Variants in COL6A1 observed in about 807,000 individuals in gnomAD.
COL6A1 encodes collagen type VI alpha 1 chain.
A neutral mutation model predicts 145.6 loss-of-function variants in COL6A1; 80 were observed. The observed-to-expected ratio is 0.55, with a 90% CI of 0.46 to 0.66. The LOEUF (loss-of-function observed/expected upper bound fraction) is 0.66. Among genes scored for constraint, COL6A1 ranks in the 30% least tolerant of loss-of-function variants. The pLI, the probability that COL6A1 is intolerant of heterozygous loss-of-function variation, is 0.00. For synonymous variants in COL6A1, 638 were observed against 622.8 expected (o/e 1.02, Z -0.36); for missense variants, 1,364 against 1,473.8 (o/e 0.93, Z 1.22).
chr21:45,996,592 G>A (rs1385825032), intron 20 of COL6A1, among the ~76,000 whole-genome samples: 1 of 152,266 alleles, frequency 6.6e-6, no homozygotes, highest in Non-Finnish European at 1.5e-5. Flanking sequence ...GCAGGCACAG[G>A]CCAGGGACAG....
At position 45,998,940 on chromosome 21, in the gene COL6A1, C is replaced by A; in HGVS notation, c.1655C>A (p.Ala552Asp). The change falls in exon 25 of 35, where the codon GCC becomes GAC. Residue 552 changes from alanine to aspartate, a missense_variant. This residue lies in a region of COL6A1 where 938 missense variants were observed against 1,003.8 expected (regional missense o/e 0.93). Coordinates refer to ENST00000361866, the MANE Select transcript of COL6A1 (RefSeq NM_001848.3). Reference sequence around the variant, plus strand: ...GGCCTCAAGGGGGACGAGGGAGAAGCCGGGGACCCCGGAGACGATGTAAGT... The same window carrying A: ...GGCCTCAAGGGGGACGAGGGAGAAGACGGGGACCCCGGAGACGATGTAAGT... ...YPGLKGDEGE[A>D]GDPGDDNNDI... 1.9e-6 allele frequency: 3 copies of A among 1,554,982 alleles called. No homozygotes were observed. Among genetic ancestry groups the A allele is most frequent in the Non-Finnish European group, 1.7e-6 (2 of 1,148,724 alleles).
chr21:46,003,899 G>C lies in COL6A1; in HGVS notation c.2973G>C (p.Thr991=). The C allele has an allele frequency of 6.2e-7, 1 of 1,602,588 alleles. No individual in the cohort carries two copies. The highest frequency in any genetic ancestry group is 8.5e-7 in the Non-Finnish European group (1 of 1,172,102). ...PHIRVLVTGK[T]AEYDVAYGES... ...TCCGCGTCCTGGTCACCGGCAAGAC[G>C]GCCGAGTACGACGTGGCCTACGGCG... Residue 991 remains threonine, a synonymous_variant, in exon 35 of 35, where the codon ACG becomes ACC. Coordinates refer to ENST00000361866, the MANE Select transcript of COL6A1 (RefSeq NM_001848.3).
intron 29 of COL6A1, 154 bp downstream of exon 29, chr21:46,000,921 C>T: frequency 1.0e-6 from 1 of 990,184 alleles, no homozygotes; most frequent in Non-Finnish European, 1.6e-6. Flanking sequence ...TGCTCCAAGC[C>T]AGCAGGGTTC....
intron 34 of COL6A1, 112 bp downstream of exon 34, chr21:46,003,261 C>T: frequency 6.2e-7 from 1 of 1,603,150 alleles, no homozygotes; most frequent in Non-Finnish European, 8.5e-7. Flanking sequence ...AGAGTAGGTG[C>T]ATGGCTCACT....
At position 46,002,597 on chromosome 21, in the gene COL6A1, G is replaced by T; in HGVS notation, c.2321G>T (p.Cys774Phe). 1 of 1,614,120 alleles carries T rather than the reference G, an allele frequency of 6.2e-7. No homozygotes were observed. Among genetic ancestry groups the T allele is most frequent in the Non-Finnish European group, 8.5e-7 (1 of 1,180,002 alleles). Residue 774 changes from cysteine (C) to phenylalanine (F), a missense_variant, in exon 33 of 35, where the codon TGC (cysteine) becomes TTC (phenylalanine). This residue lies in a region of COL6A1 where 938 missense variants were observed against 1,003.8 expected (regional missense o/e 0.93). Coordinates refer to ENST00000361866, the MANE Select transcript of COL6A1 (RefSeq NM_001848.3). ...PGSDQLNVIS[C>F]QGLAPSQGRP... is the part of the protein sequence containing the mutation. ...TCAGACCAGCTCAATGTCATTTCTT[G>T]CCAAGGCCTGGCACCATCCCAGGGC...
intron 19 of COL6A1, among the ~76,000 whole-genome samples, chr21:45,993,416 CA>C (rs1007215781): frequency 5.9e-5 from 9 of 152,316 alleles, no homozygotes; most frequent in East Asian, 3.9e-4. Context: ...CCATCCGGCT[CA>C]GGGAGAGCCA....
At chr21:45,990,642 A>AG in intron 13 of COL6A1, 131 bp from the exon 14 acceptor site, 3 of 860,560 alleles carry the variant, frequency 3.5e-6, no homozygotes, top group Non-Finnish European at 5.8e-6. Flanking sequence ...AGGTGACCCC[A>AG]GGGGGGTGTC....
rs573342705 is a variant in COL6A1, at chr21:45,989,023, G to T, written c.805-61G>T. 5.0e-6 allele frequency: 8 copies of T among 1,588,088 alleles called. No homozygotes were observed. The Admixed American group carries it at 1.1e-4, about 21-fold the overall frequency. ...AAGCGTCTTTTTAAAAACCTGTTTCGTGAGCCAGCTTTTTAGAAAGAAACG... is the reference window on the plus strand; with the variant it reads ...AAGCGTCTTTTTAAAAACCTGTTTCTTGAGCCAGCTTTTTAGAAAGAAACG... On this transcript the variant is annotated intron_variant, in intron 8 of 34. Transcript: ENST00000361866.
intron 27 of COL6A1, among the ~76,000 whole-genome samples, chr21:45,999,894 A>AGAGGGGACATGTGAGGATCATG (rs2077829383): frequency 3.8e-4 from 5 of 13,282 alleles, no homozygotes; most frequent in East Asian, 2.1e-3. Flanking sequence ...TGAGGACCAT[A>AGAGGGGACATGTGAGGATCATG]GAGGGGACAT....
At chr21:45,993,285 C>G (rs1369670650) in intron 19 of COL6A1, among the ~76,000 whole-genome samples, 1 of 152,142 alleles carries the variant, frequency 6.6e-6, no homozygotes, top group Non-Finnish European at 1.5e-5. Flanking sequence ...CCTCGCTAGG[C>G]CACCCCACAG....
In COL6A1 at chr21:46,002,615, C is replaced by A. The variant is rs2077853664; in HGVS notation, c.2339C>A (p.Ser780Tyr). 3.1e-6 allele frequency: 5 copies of A among 1,614,098 alleles called. No individual in the cohort carries two copies. The highest frequency in any genetic ancestry group is 4.2e-6 in the Non-Finnish European group (5 of 1,180,014). Residue 780 changes from serine (S) to tyrosine (Y), a missense_variant, in exon 33 of 35, where the codon TCC (serine) becomes TAC (tyrosine). This residue lies in a region of COL6A1 where 938 missense variants were observed against 1,003.8 expected (regional missense o/e 0.93). Coordinates refer to ENST00000361866, the MANE Select transcript of COL6A1 (RefSeq NM_001848.3). ...ATTTCTTGCCAAGGCCTGGCACCAT[C>A]CCAGGGCCGGCCCGGCCTCTCGCTG... ...NVISCQGLAP[S>Y]QGRPGLSLVK... is the part of the protein sequence containing the mutation.
At chr21:45,987,540 C>T (rs1426554756) in intron 7 of COL6A1, 21 bp downstream of exon 7, 1 of 1,612,908 alleles carries the variant, frequency 6.2e-7, no homozygotes, top group South Asian at 1.1e-5. Context: ...CCCCCGACCC[C>T]TGACCCCGCG....
intron 25 of COL6A1, 39 bp downstream of exon 25, chr21:45,998,998 C>G: frequency 6.5e-7 from 1 of 1,549,738 alleles, no homozygotes; most frequent in Non-Finnish European, 8.7e-7. Context: ...CCCAAGTCCA[C>G]CTGAGCCAGA....
At chr21:45,990,483 G>GAGGTGAGCCC in intron 13 of COL6A1, 61 bp downstream of exon 13, 1 of 505,298 alleles carries the variant, frequency 2.0e-6, no homozygotes, top group Non-Finnish European at 3.3e-6. Context: ...GAGATGGGGA[G>GAGGTGAGCCC]GGACGGAGTG....
chr21:45,990,164 G>C, intron 11 of COL6A1, 94 bp from the exon 12 acceptor site: 1 of 1,476,818 alleles, frequency 6.8e-7, no homozygotes, highest in South Asian at 1.1e-5. Flanking sequence ...CGGGTTGGGG[G>C]CACCCAAGCC....
At chr21:45,990,456 AC>A in intron 13 of COL6A1, 34 bp downstream of exon 13, 2 of 627,992 alleles carry the variant, frequency 3.2e-6, no homozygotes, top group Non-Finnish European at 4.5e-6. Context: ...ACGGGGAGGG[AC>A]GAGGAGGAAT....
chr21:46,003,630 A>G lies in COL6A1; in HGVS notation c.2704A>G (p.Ser902Gly). 6.2e-7 allele frequency: 1 copy of G among 1,613,042 alleles called. No individual in the cohort carries two copies. The highest frequency in any genetic ancestry group is 8.5e-7 in the Non-Finnish European group (1 of 1,179,940). ...QFLQNYTALA[S>G]AVDAMDFIND... Reference sequence around the variant, plus strand: ...CCTGCAGAACTACACGGCCCTGGCCAGTGCCGTCGATGCCATGGACTTTAT... The same window carrying G: ...CCTGCAGAACTACACGGCCCTGGCCGGTGCCGTCGATGCCATGGACTTTAT... Residue 902 changes from serine to glycine, a missense_variant, in exon 35 of 35, where the codon AGT (serine) becomes GGT (glycine). Physicochemically the swap from Ser to Gly is moderately conservative, Grantham distance 56. Transcript: ENST00000361866.
At chr21:45,998,051 G>A (rs2077816312) in intron 22 of COL6A1, 70 bp from the exon 23 acceptor site, 2 of 1,577,042 alleles carry the variant, frequency 1.3e-6, no homozygotes, top group African/African-American at 2.7e-5. Flanking sequence ...GGTGCTCCCG[G>A]GCCTGTGCCA....
At chr21:46,001,074 G>T in intron 29 of COL6A1, 179 bp from the exon 30 acceptor site, 1 of 914,190 alleles carries the variant, frequency 1.1e-6, no homozygotes, top group Non-Finnish European at 1.6e-6. Flanking sequence ...ACCAGCCGCC[G>T]GACAGAGCAG....
Sources: gnomAD v4.1 joint callset for allele counts (sites outside exome capture counted in the v4.1 genomes callset) on GRCh38, gnomAD v4.1.1 for gene constraint, gnomAD v4.1.1 regional missense constraint, MANE v1.5 for transcripts, NCBI Gene and HGNC (gene_info 2026-07-23, HGNC 2026-07-21) for gene names.